The following AXDND1 variants were observed in gnomAD, a reference collection of about 807,000 sequenced individuals.
AXDND1 encodes axonemal dynein light chain domain containing 1.
Under a neutral mutation model 137.5 loss-of-function variants are expected in AXDND1, and 110 were observed. The observed-to-expected ratio is 0.80, with a 90% CI of 0.69 to 0.94. The LOEUF (loss-of-function observed/expected upper bound fraction) is 0.94. Among genes scored for constraint, AXDND1 ranks in the 40% least tolerant of loss-of-function variants. The pLI is 0.00. For synonymous variants in AXDND1, 414 were observed against 399.7 expected, an observed-to-expected ratio of 1.04 and a Z score of -0.43; for missense variants, 1,191 against 1,169.8, an observed-to-expected ratio of 1.02 and a Z score of -0.26.
intron 20 of AXDND1, among the ~76,000 whole-genome samples, chr1:179,509,027 A>C (rs1410147150): frequency 2.6e-5 from 4 of 152,180 alleles, no homozygotes; most frequent in Non-Finnish European, 4.4e-5. Flanking sequence ...GACATTAGTA[A>C]ATAAAACAAT....
intron 11 of AXDND1, among the ~76,000 whole-genome samples, chr1:179,410,898 G>A (rs539650434): frequency 1.2e-3 from 189 of 152,160 alleles, no homozygotes; most frequent in Admixed American, 2.2e-3. Flanking sequence ...TTTAGAGCAA[G>A]GAACAGTATA....
In AXDND1 at chr1:179,533,786, C is replaced by T. The variant is rs767265891; in HGVS notation, c.2716-9C>T. On this transcript the variant is annotated splice_polypyrimidine_tract_variant and intron_variant, in intron 23 of 25. Coordinates refer to ENST00000367618, the MANE Select transcript of AXDND1 (RefSeq NM_144696.6). ...TCAGTTCATTCATATCTCATATTTC[C>T]TCTGTCAGAGAGAGTCAGCTAAGCA... is the stretch of plus-strand genomic sequence containing the variant. The T allele has an allele frequency of 6.2e-7, 1 of 1,600,202 alleles. No homozygotes were observed. Among genetic ancestry groups the T allele is most frequent in the South Asian group, 1.1e-5 (1 of 90,714 alleles).
chr1:179,408,401 A>G (rs773954910), intron 11 of AXDND1, among the ~76,000 whole-genome samples: 7 of 151,074 alleles, frequency 4.6e-5, no homozygotes, highest in Non-Finnish European at 1.0e-4. Context: ...TTTTTGAGAC[A>G]AAATCTCACT....
At chr1:179,467,917 G>A (rs1363925625) in intron 16 of AXDND1, among the ~76,000 whole-genome samples, 2 of 152,132 alleles carry the variant, frequency 1.3e-5, no homozygotes, top group Non-Finnish European at 2.9e-5. Flanking sequence ...TAATCTCATA[G>A]TGAATCAGTC....
At chr1:179,532,712 A>G (rs534279836) in intron 23 of AXDND1, among the ~76,000 whole-genome samples, 5 of 151,952 alleles carry the variant, frequency 3.3e-5, no homozygotes, top group Non-Finnish European at 5.9e-5. Context: ...GCAAGACCCA[A>G]TCTCTACCTA....
chr1:179,553,189 A>C (rs956408295), intron 25 of AXDND1, among the ~76,000 whole-genome samples: 2 of 152,238 alleles, frequency 1.3e-5, no homozygotes, highest in African/African-American at 2.4e-5. Context: ...ATATATGGAA[A>C]ACAGGTTAGC....
At chr1:179,409,805 C>G (rs1653575269) in intron 11 of AXDND1, among the ~76,000 whole-genome samples, 1 of 152,052 alleles carries the variant, frequency 6.6e-6, no homozygotes, top group Non-Finnish European at 1.5e-5. Flanking sequence ...AAGAGCGAAA[C>G]TCTGTTTCAA....
intron 22 of AXDND1, 83 bp downstream of exon 22, chr1:179,525,530 C>CTGCT: frequency 7.0e-7 from 1 of 1,428,048 alleles, no homozygotes; most frequent in South Asian, 1.4e-5. Flanking sequence ...AGGGTCCTGC[C>CTGCT]CTGTCACCCA....
chr1:179,378,766 A>G lies in AXDND1; in HGVS notation c.495+9A>G. On this transcript the variant is annotated intron_variant, in intron 5 of 25. Coordinates refer to ENST00000367618, the MANE Select transcript of AXDND1 (RefSeq NM_144696.6). Reference sequence around the variant, plus strand: ...TCATTGTGCCCCATAAGGTAAATAAAGTATTTGACAAATAATCTTCTCTCC... The same window carrying G: ...TCATTGTGCCCCATAAGGTAAATAAGGTATTTGACAAATAATCTTCTCTCC... 6.7e-7 allele frequency: 1 copy of G among 1,495,246 alleles called. No individual in the cohort carries two copies. Among genetic ancestry groups the G allele is most frequent in the Non-Finnish European group, 8.9e-7 (1 of 1,119,330 alleles). The allele number at this position is 1,495,246 out of a possible 1,614,324, so 92.6% of individuals were successfully genotyped here.
intron 18 of AXDND1, among the ~76,000 whole-genome samples, chr1:179,489,138 A>G (rs1558257988): frequency 8.0e-6 from 1 of 125,764 alleles, no homozygotes; most frequent in African/African-American, 3.5e-5. Context: ...AAAGCAGTCA[A>G]TTCATCTTAA....
intron 15 of AXDND1, among the ~76,000 whole-genome samples, chr1:179,438,497 G>A (rs543987579): frequency 3.9e-5 from 6 of 152,298 alleles, no homozygotes; most frequent in African/African-American, 1.2e-4. Flanking sequence ...CAAAGCTACA[G>A]AGGACATCAC....
chr1:179,446,282 TTG>T (rs1164493723), intron 16 of AXDND1, among the ~76,000 whole-genome samples: 2 of 152,206 alleles, frequency 1.3e-5, no homozygotes, highest in Non-Finnish European at 2.9e-5. Context: ...TTAATGAATA[TTG>T]TGTGTTATTG....
chr1:179,554,354 A>G, intron 25 of AXDND1, 158 bp from the exon 26 acceptor site: 1 of 1,166,156 alleles, frequency 8.6e-7, no homozygotes, highest in Non-Finnish European at 1.2e-6. Context: ...TCTCTTTTTT[A>G]TAAATTTATG....
At chr1:179,537,195 C>G (rs1236451613) in intron 25 of AXDND1, among the ~76,000 whole-genome samples, 1 of 152,180 alleles carries the variant, frequency 6.6e-6, no homozygotes, top group African/African-American at 2.4e-5. Context: ...AATGAATACC[C>G]TTTATTTCTT....
At chr1:179,385,831 G>A (rs1035279797) in intron 9 of AXDND1, among the ~76,000 whole-genome samples, 16 of 152,128 alleles carry the variant, frequency 1.1e-4, no homozygotes, top group African/African-American at 3.6e-4. Flanking sequence ...CCATAATAGG[G>A]GTTGTCCCTG....
intron 15 of AXDND1, among the ~76,000 whole-genome samples, chr1:179,441,648 T>TA (rs1389147032): frequency 6.6e-6 from 1 of 152,222 alleles, no homozygotes; most frequent in South Asian, 2.1e-4. Context: ...TACATGTATG[T>TA]AAAAAAGATT....
At chr1:179,484,471 G>T (rs1398773794) in intron 18 of AXDND1, among the ~76,000 whole-genome samples, 2 of 152,130 alleles carry the variant, frequency 1.3e-5, no homozygotes, top group Non-Finnish European at 2.9e-5. Context: ...CAGGACTCCA[G>T]CCTGACCATG....
In AXDND1 at chr1:179,457,883, C is replaced by T. The variant is rs575586818; in HGVS notation, c.1799-10560C>T. Among the ~76,000 whole-genome samples the T allele has an allele frequency of 2.3e-4, 35 of 152,260 alleles. No individual in the cohort carries two copies. The South Asian group carries it at 7.0e-3, about 31-fold the overall frequency. ...AGGCTGTTGTTACTTGATTGACTTT[C>T]AGGCATGTGGTAACTAGAATAGGAT... On this transcript the variant is annotated intron_variant, in intron 16 of 25. Transcript: ENST00000367618.
chr1:179,457,073 C>T, intron 16 of AXDND1: 1 of 1,390,420 alleles, frequency 7.2e-7, no homozygotes, highest in South Asian at 1.2e-5. Context: ...TGAGACAGCT[C>T]TCTTTGGTTC....
Sources: allele counts gnomAD v4.1 joint callset (sites outside exome capture counted in the v4.1 genomes callset), GRCh38; gene constraint gnomAD v4.1.1; transcripts MANE v1.5; gene names NCBI Gene and HGNC (gene_info 2026-07-23, HGNC 2026-07-21).